The following GATA4 variants were observed in gnomAD, a reference collection of about 807,000 sequenced individuals.
GATA4 encodes the protein transcription factor GATA-4.
Under a neutral mutation model 37.9 loss-of-function variants are expected in GATA4, and 7 were observed. The ratio of observed to expected loss-of-function variants is 0.18; its 90% CI spans 0.11 to 0.35. The LOEUF (loss-of-function observed/expected upper bound fraction) is 0.35. GATA4 is among the 10% of genes least tolerant of loss of function. The probability of loss-of-function intolerance (pLI) is 1.00; values close to 1 mark genes in which losing one functional copy is unlikely to be tolerated. For missense variants in GATA4, 647 were observed against 653.0 expected (o/e 0.99, Z 0.10); for synonymous variants, 372 against 292.6 (o/e 1.27, Z -2.77).
intron 2 of GATA4, among the ~76,000 whole-genome samples, chr8:11,733,313 GA>G (rs1340751647): frequency 6.6e-6 from 1 of 152,194 alleles, no homozygotes; most frequent in Non-Finnish European, 1.5e-5. Context: ...AAATTTATAT[GA>G]AAGAGTTATT....
rs1270266865 is a variant in GATA4, at chr8:11,758,470, G to A, written c.1327G>A (p.Ala443Thr). ...CGACAGTCACGGGGACATAATCACT[G>A]CGTAATCTTCCCTCTTCCCTCCTCA... The part of the protein sequence containing the change: ...LADSHGDIIT[A>T] The change falls in exon 7 of 7, where the codon GCG (alanine) becomes ACG (threonine). Residue 443 changes from alanine to threonine, a missense_variant. This residue lies in a region of GATA4 where 184 missense variants were observed against 157.1 expected (regional missense o/e 1.17). Transcript: ENST00000532059. The A allele has an allele frequency of 6.2e-7, 1 of 1,614,034 alleles. No individual in the cohort carries two copies. The highest frequency in any genetic ancestry group is 1.3e-5 in the African/African-American group (1 of 74,910).
chr8:11,747,600 A>G (rs754052597), intron 2 of GATA4, among the ~76,000 whole-genome samples: 5 of 152,168 alleles, frequency 3.3e-5, no homozygotes, highest in Non-Finnish European at 7.4e-5. Context: ...TTTTTGCAGG[A>G]CAGTTAGCAA....
chr8:11,709,024 G>T lies in GATA4; in HGVS notation c.616+96G>T, dbSNP rs1242274777. 7.8e-7 allele frequency: 1 copy of T among 1,278,544 alleles called. No individual in the cohort carries two copies. The highest frequency in any genetic ancestry group is 1.0e-6 in the Non-Finnish European group (1 of 965,176). 79.2% of individuals were successfully genotyped at this position (1,278,544 alleles called of 1,614,324 possible). On this transcript the variant is annotated intron_variant, in intron 2 of 6. Coordinates refer to ENST00000532059, the MANE Select transcript of GATA4 (RefSeq NM_001308093.3). This position sits in a 1 kb window ranked among gnomAD's most constrained non-coding sequence, Gnocchi z 4.3. ...CTCTTGTTTTTCCACCAACGCCTTC[G>T]TTGGGCTGGGGATGGTGCTTCACTA...
At chr8:11,731,777 C>G (rs760811917) in intron 2 of GATA4, among the ~76,000 whole-genome samples, 2 of 152,166 alleles carry the variant, frequency 1.3e-5, no homozygotes, top group African/African-American at 4.8e-5. Flanking sequence ...AATGGAGAGG[C>G]AGTGTACAAG....
At chr8:11,702,112 C>T (rs2130027427), upstream of GATA4, among the ~76,000 whole-genome samples, 1 of 152,312 alleles carries the variant, frequency 6.6e-6, no homozygotes, top group African/African-American at 2.4e-5. This position sits in a 1 kb window ranked among gnomAD's most constrained non-coding sequence, Gnocchi z 4.4. Context: ...CGCCGCAAGG[C>T]ACCGCACCTC....
Position 11,758,776 on chromosome 8 carries a change from T to G in GATA4, c.*301T>G. 1 of 437,624 alleles carries G rather than the reference T, an allele frequency of 2.3e-6. No homozygotes were observed. The highest frequency in any genetic ancestry group is 4.3e-6 in the Non-Finnish European group (1 of 233,966). 27.1% of individuals were successfully genotyped at this position (437,624 alleles called of 1,614,324 possible). ...TCCTTGTCCCCTGCGTTCCCCACTG[T>G]GGCCTAGACCGTGGGTTTTGCATTG... On this transcript the variant is annotated 3_prime_UTR_variant, in exon 7 of 7. Transcript: ENST00000532059.
At chr8:11,704,181 C>G (rs565545047), upstream of GATA4, 2 of 152,218 alleles carry the variant, frequency 1.3e-5, no homozygotes, top group Admixed American at 6.5e-5. Context: ...GTTGCTGGGC[C>G]GGGGACCCGA....
intron 1 of GATA4, among the ~76,000 whole-genome samples, chr8:11,693,936 T>A (rs1799424742): frequency 1.3e-5 from 2 of 151,990 alleles, no homozygotes; most frequent in Non-Finnish European, 2.9e-5. Flanking sequence ...TGTGTGTGCA[T>A]GTGTGTGTGT....
At chr8:11,729,529 C>G (rs1023198543) in intron 2 of GATA4, among the ~76,000 whole-genome samples, 2 of 148,894 alleles carry the variant, frequency 1.3e-5, no homozygotes, top group African/African-American at 4.9e-5. Context: ...GCACTCCAGC[C>G]TGGGCAACAG....
intron 1 of GATA4, among the ~76,000 whole-genome samples, chr8:11,685,462 T>C (rs1799106145): frequency 6.6e-6 from 1 of 152,220 alleles, no homozygotes; most frequent in African/African-American, 2.4e-5. Flanking sequence ...CCAAGACATG[T>C]CAGCCTTCTT....
upstream of GATA4, among the ~76,000 whole-genome samples, chr8:11,688,409 C>G (rs1341648142): frequency 6.6e-6 from 1 of 152,168 alleles, no homozygotes; most frequent in African/African-American, 2.4e-5. Flanking sequence ...CTACTCTGTG[C>G]AGACCACTGT....
intron 1 of GATA4, among the ~76,000 whole-genome samples, chr8:11,704,694 C>T (rs1300330312): frequency 6.6e-6 from 1 of 152,232 alleles, no homozygotes; most frequent in Non-Finnish European, 1.5e-5. Context: ...TGCACGGCAG[C>T]TCGCACATGG....
intron 1 of GATA4, among the ~76,000 whole-genome samples, chr8:11,682,616 C>G (rs1799007185): frequency 6.6e-6 from 1 of 151,882 alleles, no homozygotes; most frequent in Admixed American, 6.6e-5. Flanking sequence ...AAAAAAAATT[C>G]TAACAAAACT....
chr8:11,720,216 G>A (rs1456507120), intron 2 of GATA4, among the ~76,000 whole-genome samples: 1 of 151,786 alleles, frequency 6.6e-6, no homozygotes, highest in Non-Finnish European at 1.5e-5. Flanking sequence ...CTGCTCTACC[G>A]CCCTTTGGAG....
intron 1 of GATA4, among the ~76,000 whole-genome samples, chr8:11,693,708 T>C (rs1032046301): frequency 1.3e-5 from 2 of 152,018 alleles, no homozygotes; most frequent in African/African-American, 4.8e-5. Context: ...GAAACTATAC[T>C]GGGGCCTGCA....
At chr8:11,728,671 C>A (rs1042237642) in intron 2 of GATA4, among the ~76,000 whole-genome samples, 7 of 152,140 alleles carry the variant, frequency 4.6e-5, no homozygotes, top group Admixed American at 3.9e-4. Context: ...TCCTCAGCCT[C>A]CAAAAATGGT....
intron 2 of GATA4, among the ~76,000 whole-genome samples, chr8:11,734,828 G>T (rs1414062046): frequency 6.6e-6 from 1 of 152,136 alleles, no homozygotes; most frequent in Non-Finnish European, 1.5e-5. Flanking sequence ...CCATTCATGA[G>T]GGCTCCGTCC....
chr8:11,758,157 A>G, intron 6 of GATA4, 136 bp from the exon 7 acceptor site: 2 of 801,744 alleles, frequency 2.5e-6, no homozygotes, highest in Non-Finnish European at 4.3e-6. Context: ...AACAGAGAGA[A>G]GTGCTCCTTG....
intron 2 of GATA4, among the ~76,000 whole-genome samples, chr8:11,724,203 C>T (rs951050358): frequency 1.3e-5 from 2 of 151,946 alleles, no homozygotes; most frequent in Non-Finnish European, 2.9e-5. Flanking sequence ...TTTTGTTTAT[C>T]CATTCATCCC....
Sources: gnomAD v4.1 joint callset for allele counts (sites outside exome capture counted in the v4.1 genomes callset) on GRCh38, gnomAD v4.1.1 for gene constraint, gnomAD v4.1.1 regional missense constraint, Gnocchi (gnomAD v3.1) non-coding constraint, MANE v1.5 for transcripts, NCBI Gene and HGNC (gene_info 2026-07-23, HGNC 2026-07-21) for gene names.